SLC41A1: variants seen among roughly 807,000 people sequenced by gnomAD.
The protein encoded by SLC41A1 is solute carrier family 41 member 1.
SLC41A1 carries 20 observed loss-of-function variants against 47.3 expected under a neutral mutation model. The ratio of observed to expected loss-of-function variants is 0.42; its 90% CI spans 0.30 to 0.61. The LOEUF (loss-of-function observed/expected upper bound fraction) is 0.61. Among genes scored for constraint, SLC41A1 ranks in the 20% least tolerant of loss-of-function variants. The pLI is 0.17. For missense variants in SLC41A1, 504 were observed against 674.1 expected (o/e 0.75, Z 2.79); for synonymous variants, 282 against 272.7 (o/e 1.03, Z -0.34).
chr1:205,792,767 T>G (rs1208475939), intron 10 of SLC41A1, among the ~76,000 whole-genome samples: 1 of 152,224 alleles, frequency 6.6e-6, no homozygotes, highest in East Asian at 1.9e-4. Context: ...GGTCAAGCTC[T>G]AATACAGTCA....
intron 1 of SLC41A1, among the ~76,000 whole-genome samples, chr1:205,812,290 C>A (rs1319425549): frequency 6.6e-6 from 1 of 152,234 alleles, no homozygotes; most frequent in Non-Finnish European, 1.5e-5. Context: ...ACCCCAGGAA[C>A]TGGCCCAGGA....
intron 2 of SLC41A1, among the ~76,000 whole-genome samples, chr1:205,808,031 T>C (rs823079): frequency 0.84 from 126,984 of 151,346 alleles, 54,623 homozygotes; most frequent in Non-Finnish European, 0.94. Flanking sequence ...TCTTGGCTCA[T>C]TGCAGCCTCC....
chr1:205,808,217 A>C (rs963637796), intron 2 of SLC41A1, among the ~76,000 whole-genome samples: 2 of 152,034 alleles, frequency 1.3e-5, no homozygotes, highest in African/African-American at 4.8e-5. Context: ...TGACCTCCCA[A>C]AGTGCTAGGA....
At chr1:205,794,192 G>A (rs1655689990) in intron 10 of SLC41A1, among the ~76,000 whole-genome samples, 1 of 152,110 alleles carries the variant, frequency 6.6e-6, no homozygotes, top group African/African-American at 2.4e-5. Context: ...ATCTGAATAA[G>A]CACTGCAGAT....
At chr1:205,796,375 G>C (rs1326963228) in intron 8 of SLC41A1, 1 of 179,046 alleles carries the variant, frequency 5.6e-6, no homozygotes, top group East Asian at 1.5e-4. Context: ...GTGCCTTTAA[G>C]AGTGAATAGG....
rs1558084589 is a variant in SLC41A1 at position 205,810,571 on chromosome 1, G to A, written c.-130C>T. On this transcript the variant is annotated 5_prime_UTR_variant, in exon 2 of 11. Transcript: ENST00000367137. The surrounding 1 kb of genome is among the most constrained non-coding windows in gnomAD (Gnocchi z 5.5). ...TGGGCGCCGCAGGACCTCTTCCCAC[G>A]GCTCTCCACTCCTACCAGGCACTGC... 1.4e-5 allele frequency: 20 copies of A among 1,405,384 alleles called. No homozygotes were observed. The highest frequency in any genetic ancestry group is 4.8e-5 in the South Asian group (4 of 82,980). The allele number at this position is 1,405,384 out of a possible 1,614,324, so 87.1% of individuals were successfully genotyped here. A position where few individuals can be genotyped will look rare whatever the true frequency, so the allele number is the denominator to read the frequency against.
Position 205,791,445 on chromosome 1 carries a change from G to C in SLC41A1, c.*88C>G. 6.9e-7 allele frequency: 1 copy of C among 1,457,016 alleles called. No individual in the cohort carries two copies. The highest frequency in any genetic ancestry group is 9.6e-7 in the Non-Finnish European group (1 of 1,044,946). 90.3% of individuals were successfully genotyped at this position (1,457,016 alleles called of 1,614,324 possible). A position where few individuals can be genotyped will look rare whatever the true frequency, so the allele number is the denominator to read the frequency against. On this transcript the variant is annotated 3_prime_UTR_variant, in exon 11 of 11. Coordinates refer to ENST00000367137, the MANE Select transcript of SLC41A1 (RefSeq NM_173854.6). This position sits in a 1 kb window ranked among gnomAD's most constrained non-coding sequence, Gnocchi z 4.0. ...AAAGTGAAGTCCTAGAAAGAGGTGG[G>C]AGTGTGGGGTGGAGGAGGGACAGGG...
At chr1:205,795,773 G>A (rs1019920486) in intron 8 of SLC41A1, 8 of 487,434 alleles carry the variant, frequency 1.6e-5, no homozygotes, top group East Asian at 3.9e-5. Flanking sequence ...GAAAGGATAC[G>A]TGCAGATCTG....
Position 205,794,955 on chromosome 1 carries a change from A to G in SLC41A1, c.1271T>C (p.Leu424Pro). Reference sequence around the variant, plus strand: ...GCCCTGCATACAGCTGATGGTGTAGAGGAACACCAGGTGTCCTGGGACCAC... The same window carrying G: ...GCCCTGCATACAGCTGATGGTGTAGGGGAACACCAGGTGTCCTGGGACCAC... The part of the protein sequence containing the change: ...LLVVPGHLVF[L>P]YTISCMQGGH... The change falls in exon 10 of 11, where the codon CTC (leucine) becomes CCC (proline). Residue 424 changes from leucine to proline, a missense_variant. By Grantham distance (98) the Leu-to-Pro change is moderately conservative (BLOSUM62 -3). This residue lies in a region of SLC41A1 where 421 missense variants were observed against 601.6 expected (regional missense o/e 0.70). Transcript: ENST00000367137. The G allele has an allele frequency of 6.2e-7, 1 of 1,614,082 alleles. No individual in the cohort carries two copies.
intron 8 of SLC41A1, 120 bp downstream of exon 8, chr1:205,796,804 G>A (rs1655759751): frequency 1.0e-6 from 1 of 971,052 alleles, no homozygotes; most frequent in Non-Finnish European, 1.6e-6. Flanking sequence ...TGAACCATCT[G>A]AGCTAGATTC....
chr1:205,798,894 A>T, intron 5 of SLC41A1, 63 bp downstream of exon 5: 1 of 1,614,176 alleles, frequency 6.2e-7, no homozygotes, highest in Non-Finnish European at 8.5e-7. Flanking sequence ...AGAGAGTGGA[A>T]GTGCCAGGTG....
Position 205,791,638 on chromosome 1 carries a change from G to T in SLC41A1, c.1437C>A (p.Ile479=). The T allele has an allele frequency of 6.2e-7, 1 of 1,614,158 alleles. No individual in the cohort carries two copies. The highest frequency in any genetic ancestry group is 1.3e-5 in the African/African-American group (1 of 75,026). The change falls in exon 11 of 11, where the codon ATC becomes ATA. Residue 479 remains isoleucine (I), a synonymous_variant. Coordinates refer to ENST00000367137, the MANE Select transcript of SLC41A1 (RefSeq NM_173854.6). This position sits in a 1 kb window ranked among gnomAD's most constrained non-coding sequence, Gnocchi z 4.0. The stretch of plus-strand genomic sequence containing the variant: ...GGTCCCCCAGAGCAGTCAAGTATGG[G>T]ATGGAGAAGTTGTCCGGGTCCAGGC... ...GRGLDPDNFS[I]PYLTALGDLL...
chr1:205,803,939 G>C (rs959899550), intron 2 of SLC41A1, among the ~76,000 whole-genome samples: 8 of 152,090 alleles, frequency 5.3e-5, no homozygotes, highest in Admixed American at 1.3e-4. Context: ...CAAATTCATA[G>C]AGGCGGAAAG....
intron 2 of SLC41A1, 131 bp downstream of exon 2, chr1:205,809,939 T>G (rs751225126): frequency 9.4e-6 from 13 of 1,381,752 alleles, no homozygotes; most frequent in Non-Finnish European, 1.3e-5. Flanking sequence ...GAGGACATGA[T>G]CCAAAGGAAA....
At chr1:205,809,441 G>C (rs1656091771) in intron 2 of SLC41A1, among the ~76,000 whole-genome samples, 1 of 152,202 alleles carries the variant, frequency 6.6e-6, no homozygotes, top group Admixed American at 6.5e-5. Context: ...CCCATTTACA[G>C]CAGATAATTA....
chr1:205,796,161 A>G (rs1291746949), intron 8 of SLC41A1: 8 of 160,516 alleles, frequency 5.0e-5, no homozygotes, highest in Non-Finnish European at 9.6e-5. Context: ...GCAGGCAACC[A>G]GAGGGCAGGT....
rs1655587333 is a variant in SLC41A1, at chr1:205,790,151, G to C, written c.*1382C>G. 1 of 152,218 alleles carries C rather than the reference G, an allele frequency of 6.6e-6. No homozygotes were observed. The highest frequency in any genetic ancestry group is 2.4e-5 in the African/African-American group (1 of 41,452). The allele number at this position is 152,218 out of a possible 1,614,324, so 9.4% of individuals were successfully genotyped here. On this transcript the variant is annotated 3_prime_UTR_variant, in exon 11 of 11. Coordinates refer to ENST00000367137, the MANE Select transcript of SLC41A1 (RefSeq NM_173854.6). Reference sequence around the variant, plus strand: ...CTGTGGTCAGCACTGCACAGAGTAGGGGTCTGGAAAGGAGAAAGAGGCAGA... The same window carrying C: ...CTGTGGTCAGCACTGCACAGAGTAGCGGTCTGGAAAGGAGAAAGAGGCAGA...
chr1:205,810,669 C>T lies in SLC41A1; in HGVS notation c.-228G>A. 1 of 617,786 alleles carries T rather than the reference C, an allele frequency of 1.6e-6. No individual in the cohort carries two copies. The highest frequency in any genetic ancestry group is 2.8e-6 in the Non-Finnish European group (1 of 357,340). The allele number at this position is 617,786 out of a possible 1,614,324, so 38.3% of individuals were successfully genotyped here. A position where few individuals can be genotyped will look rare whatever the true frequency, so the allele number is the denominator to read the frequency against. ...AGCTGGGAAGAAACAAGAAATTCCT[C>T]ACCAGACAGCCACTAGGGGTGCAGA... On this transcript the variant is annotated 5_prime_UTR_variant, in exon 2 of 11. The change abolishes the stop of an existing upstream ORF in the 5' untranslated region. Coordinates refer to ENST00000367137, the MANE Select transcript of SLC41A1 (RefSeq NM_173854.6). The surrounding 1 kb of genome is among the most constrained non-coding windows in gnomAD (Gnocchi z 5.5).
rs12043587 is a variant in SLC41A1 at position 205,797,854 on chromosome 1, G to A, written c.992+50C>T. On this transcript the variant is annotated intron_variant, in intron 7 of 10. Coordinates refer to ENST00000367137, the MANE Select transcript of SLC41A1 (RefSeq NM_173854.6). ...CTCTCCAGGGTTTAAAAAGAAGTCTGTGGAAGGGTTGGAGTGGGGTAGGAG... is the reference window on the plus strand; with the variant it reads ...CTCTCCAGGGTTTAAAAAGAAGTCTATGGAAGGGTTGGAGTGGGGTAGGAG... 1,051 of 1,612,660 alleles carry A rather than the reference G, an allele frequency of 6.5e-4. 15 individuals carry two copies. The East Asian group carries it at 0.017, about 26-fold the overall frequency.
Sources: gnomAD v4.1 joint callset for allele counts (sites outside exome capture counted in the v4.1 genomes callset) on GRCh38, gnomAD v4.1.1 for gene constraint, gnomAD v4.1.1 regional missense constraint, Gnocchi (gnomAD v3.1) non-coding constraint, MANE v1.5 for transcripts, NCBI Gene and HGNC (gene_info 2026-07-23, HGNC 2026-07-21) for gene names.